Variants in SPON1 observed in about 807,000 individuals in gnomAD.
The protein encoded by SPON1 is spondin-1.
Under a neutral mutation model 111.7 loss-of-function variants are expected in SPON1, and 52 were observed. The ratio of observed to expected loss-of-function variants is 0.47; its 90% CI spans 0.37 to 0.59. The LOEUF is 0.59. Among genes scored for constraint, SPON1 ranks in the 20% least tolerant of loss-of-function variants. The probability of loss-of-function intolerance (pLI) is 0.00; values close to 1 mark genes in which losing one functional copy is unlikely to be tolerated. For missense variants in SPON1, 957 were observed against 1,068.5 expected (o/e 0.90, Z 1.46); for synonymous variants, 410 against 395.8 (o/e 1.04, Z -0.43).
intron 6 of SPON1, among the ~76,000 whole-genome samples, chr11:14,139,928 T>C (rs1847633996): frequency 2.0e-5 from 3 of 152,090 alleles, no homozygotes; most frequent in African/African-American, 7.2e-5. Flanking sequence ...ACATAACTTA[T>C]TGTGCTTAGA....
chr11:14,141,534 A>G (rs1847656289), intron 6 of SPON1, among the ~76,000 whole-genome samples: 1 of 152,156 alleles, frequency 6.6e-6, no homozygotes, highest in Admixed American at 6.5e-5. Flanking sequence ...TAATACAGGC[A>G]TTGATTATTT....
chr11:14,160,314 C>T (rs1480577576), intron 6 of SPON1, among the ~76,000 whole-genome samples: 1 of 137,832 alleles, frequency 7.3e-6, no homozygotes, highest in South Asian at 2.2e-4. Flanking sequence ...CAAAAATACA[C>T]TTAATATACC....
chr11:14,106,464 A>G (rs533177526), intron 5 of SPON1, among the ~76,000 whole-genome samples: 1 of 152,270 alleles, frequency 6.6e-6, no homozygotes, highest in Non-Finnish European at 1.5e-5. Context: ...ACCCTCAAGA[A>G]TTGTTTATGC....
intron 5 of SPON1, 108 bp downstream of exon 5, chr11:14,080,129 G>A (rs1343761784): frequency 3.0e-6 from 4 of 1,327,742 alleles, no homozygotes; most frequent in East Asian, 4.6e-5. Flanking sequence ...CCTAGTATTG[G>A]CTGGTTCATG....
intron 6 of SPON1, among the ~76,000 whole-genome samples, chr11:14,165,877 C>T (rs956568477): frequency 2.6e-4 from 39 of 152,184 alleles, no homozygotes; most frequent in Non-Finnish European, 3.1e-4. Flanking sequence ...GCTTTTTAAA[C>T]TGGCTTTGAT....
intron 6 of SPON1, among the ~76,000 whole-genome samples, chr11:14,227,643 G>A (rs1031441689): frequency 3.9e-5 from 6 of 152,128 alleles, no homozygotes; most frequent in African/African-American, 1.4e-4. Context: ...CACTTAATAT[G>A]TGTCAGAAAC....
At chr11:14,027,639 G>A (rs576279472) in intron 2 of SPON1, among the ~76,000 whole-genome samples, 10 of 152,162 alleles carry the variant, frequency 6.6e-5, no homozygotes, top group Non-Finnish European at 1.3e-4. Flanking sequence ...CATCCCTGAA[G>A]GTGTAAGCAC....
In SPON1 at chr11:14,004,142, A is replaced by C. The variant is rs61884816; in HGVS notation, c.345+21189A>C. Among the ~76,000 whole-genome samples, 1,006 of 152,158 alleles carry C rather than the reference A, an allele frequency of 6.6e-3. 3 individuals carry two copies. Among genetic ancestry groups the C allele is most frequent in the Non-Finnish European group, 0.012 (793 of 67,984 alleles). The stretch of plus-strand genomic sequence containing the variant: ...TCTGTTCTAGGCTGAATAATATTCC[A>C]TTACACACACAGACACACACACACA... On this transcript the variant is annotated intron_variant, in intron 2 of 15. Coordinates refer to ENST00000576479, the MANE Select transcript of SPON1 (RefSeq NM_006108.4).
chr11:14,109,062 T>C (rs1413218563), intron 5 of SPON1, among the ~76,000 whole-genome samples: 1 of 152,228 alleles, frequency 6.6e-6, no homozygotes, highest in African/African-American at 2.4e-5. Flanking sequence ...TCTTCGTATT[T>C]CAGCCTAAAC....
chr11:13,969,813 T>C (rs928787495), intron 1 of SPON1, among the ~76,000 whole-genome samples: 2 of 152,216 alleles, frequency 1.3e-5, no homozygotes, highest in Non-Finnish European at 2.9e-5. Context: ...CGAATTGGCA[T>C]GTATCAATAA....
intron 5 of SPON1, among the ~76,000 whole-genome samples, chr11:14,121,189 T>C (rs1554926472): frequency 1.3e-5 from 2 of 152,276 alleles, no homozygotes; most frequent in African/African-American, 4.8e-5. Flanking sequence ...TACATGGGAA[T>C]GTGGGTAGGT....
intron 6 of SPON1, among the ~76,000 whole-genome samples, chr11:14,161,201 T>TATTTTATATATATCTA (rs1847952871): frequency 3.5e-5 from 1 of 28,660 alleles, no homozygotes; most frequent in African/African-American, 9.4e-5. Flanking sequence ...CTATATATAT[T>TATTTTATATATATCTA]TATATATTTA....
intron 7 of SPON1, among the ~76,000 whole-genome samples, chr11:14,243,861 G>C (rs561079303): frequency 6.6e-6 from 1 of 152,154 alleles, no homozygotes; most frequent in African/African-American, 2.4e-5. Context: ...GTGACCAAGG[G>C]TATGCTGACA....
intron 6 of SPON1, among the ~76,000 whole-genome samples, chr11:14,202,940 C>T (rs1848479094): frequency 6.6e-6 from 1 of 152,128 alleles, no homozygotes; most frequent in Admixed American, 6.5e-5. Context: ...TGTGTTCATG[C>T]TAATAGTGTC....
chr11:14,211,976 A>T (rs6486182), intron 6 of SPON1, among the ~76,000 whole-genome samples: 1 of 151,848 alleles, frequency 6.6e-6, no homozygotes, highest in African/African-American at 2.4e-5. Flanking sequence ...TCCATTATTG[A>T]TTCATTATTT....
In SPON1 at chr11:14,259,943, C is replaced by T. The variant is rs1849154043; in HGVS notation, c.1831+242C>T. 6.6e-6 allele frequency among the ~76,000 whole-genome samples: 1 copy of T among 152,162 alleles called. No homozygotes were observed. Among genetic ancestry groups the T allele is most frequent in the South Asian group, 2.1e-4 (1 of 4,820 alleles). Reference sequence around the variant, plus strand: ...CAATGCTGGGGTGGCAAACTGGTGGCCTCTGGATAGAGAATTCACCTGCAG... The same window carrying T: ...CAATGCTGGGGTGGCAAACTGGTGGTCTCTGGATAGAGAATTCACCTGCAG... On this transcript the variant is annotated intron_variant, in intron 13 of 15. Coordinates refer to ENST00000576479, the MANE Select transcript of SPON1 (RefSeq NM_006108.4). The surrounding 1 kb of genome is among the most constrained non-coding windows in gnomAD (Gnocchi z 5.0).
intron 5 of SPON1, among the ~76,000 whole-genome samples, chr11:14,132,202 T>G (rs548055616): frequency 1.3e-5 from 2 of 151,844 alleles, no homozygotes; most frequent in East Asian, 3.9e-4. Flanking sequence ...CGCTTGAACC[T>G]GGGAGGCAGA....
rs1849112939 is a variant in SPON1, at chr11:14,256,699, T to A, written c.1309+7T>A. The A allele has an allele frequency of 1.2e-6, 2 of 1,610,098 alleles. No individual in the cohort carries two copies. The highest frequency in any genetic ancestry group is 3.4e-5 in the Admixed American group (2 of 59,618). On this transcript the variant is annotated splice_region_variant and intron_variant, in intron 10 of 15. Coordinates refer to ENST00000576479, the MANE Select transcript of SPON1 (RefSeq NM_006108.4). Reference sequence around the variant, plus strand: ...CCAGAAGAGAAAGATGAAGGTACGTTGTTTTCTTTTGTTGCAGGTGGCAAC... The same window carrying A: ...CCAGAAGAGAAAGATGAAGGTACGTAGTTTTCTTTTGTTGCAGGTGGCAAC...
chr11:14,072,895 T>C lies in SPON1; in HGVS notation c.480-2450T>C, dbSNP rs911624927. ...TCATTAAACTTGGAGTGAAATGCCA[T>C]CTCCCTGCAGGCTCTGGGTAATGTG... On this transcript the variant is annotated intron_variant, in intron 3 of 15. Transcript: ENST00000576479. Among the ~76,000 whole-genome samples, 11 of 152,268 alleles carry C rather than the reference T, an allele frequency of 7.2e-5. No homozygotes were observed. In the East Asian group the frequency reaches 2.1e-3, roughly 29 times the overall value.
Sources: gnomAD v4.1 joint callset for allele counts (sites outside exome capture counted in the v4.1 genomes callset) on GRCh38, gnomAD v4.1.1 for gene constraint, Gnocchi (gnomAD v3.1) non-coding constraint, MANE v1.5 for transcripts, NCBI Gene and HGNC (gene_info 2026-07-23, HGNC 2026-07-21) for gene names.